The following UBE2E2 variants were observed in gnomAD, a reference collection of about 807,000 sequenced individuals.
UBE2E2 encodes the protein ubiquitin conjugating enzyme E2 E2, also known as ubiquitin-conjugating enzyme E2 E2.
In UBE2E2, 6 loss-of-function variants were observed where a neutral mutation model predicts 24.7. That is an observed-to-expected ratio of 0.24 (90% CI 0.13 to 0.48). The LOEUF (loss-of-function observed/expected upper bound fraction) is 0.48, where lower values mean the gene tolerates loss of function less well. Among genes scored for constraint, UBE2E2 ranks in the 20% least tolerant of loss-of-function variants. UBE2E2 has a pLI of 0.99. For synonymous variants in UBE2E2, 104 were observed against 83.6 expected (o/e 1.24, Z -1.33); for missense variants, 169 against 245.0 (o/e 0.69, Z 2.07).
At chr3:23,246,237 T>TTTTTTTTC (rs1553634256) in intron 3 of UBE2E2, among the ~76,000 whole-genome samples, 19,870 of 138,626 alleles carry the variant, frequency 0.14, 2,061 homozygotes, top group South Asian at 0.22. Flanking sequence ...TTTTTTTTTT[T>TTTTTTTTC]CGAGATGGAG....
intron 4 of UBE2E2, among the ~76,000 whole-genome samples, chr3:23,523,971 G>A (rs996695639): frequency 2.0e-5 from 3 of 151,334 alleles, no homozygotes; most frequent in African/African-American, 7.3e-5. Flanking sequence ...TGTGGGGTTG[G>A]GGGGTTCTCC....
intron 3 of UBE2E2, among the ~76,000 whole-genome samples, chr3:23,347,140 G>C (rs766629241): frequency 6.6e-6 from 1 of 152,216 alleles, no homozygotes; most frequent in Non-Finnish European, 1.5e-5. Flanking sequence ...GTGGAAGACA[G>C]TGTGGCGATT....
intron 4 of UBE2E2, among the ~76,000 whole-genome samples, chr3:23,517,123 C>T (rs905992859): frequency 6.6e-6 from 1 of 152,010 alleles, no homozygotes; most frequent in Non-Finnish European, 1.5e-5. Flanking sequence ...CATAGTTAGT[C>T]TTTTCTACCG....
At chr3:23,437,162 G>A (rs777007266) in intron 3 of UBE2E2, among the ~76,000 whole-genome samples, 4 of 152,050 alleles carry the variant, frequency 2.6e-5, no homozygotes, top group Non-Finnish European at 5.9e-5. Context: ...TCCCACACAC[G>A]CCAGGTTTTT....
intron 3 of UBE2E2, chr3:23,389,699 C>T (rs748565201): frequency 7.6e-5 from 18 of 238,134 alleles, no homozygotes; most frequent in Non-Finnish European, 1.2e-4. Context: ...TCACTTCCAT[C>T]GCTGCCTTCT....
At chr3:23,363,084 A>T (rs1384490506) in intron 3 of UBE2E2, among the ~76,000 whole-genome samples, 1 of 152,256 alleles carries the variant, frequency 6.6e-6, no homozygotes, top group African/African-American at 2.4e-5. Context: ...GATCCTTTTA[A>T]GACAAGCAAA....
intron 3 of UBE2E2, among the ~76,000 whole-genome samples, chr3:23,227,926 C>G (rs1240344903): frequency 1.3e-5 from 2 of 152,074 alleles, no homozygotes; most frequent in Non-Finnish European, 2.9e-5. Context: ...AGTATGTTTT[C>G]TTTTTGCCTT....
intron 3 of UBE2E2, among the ~76,000 whole-genome samples, chr3:23,332,692 TG>T (rs1695095282): frequency 2.7e-5 from 4 of 149,530 alleles, no homozygotes. Context: ...TGTGTGTGTG[TG>T]TGTGTGTGTG....
chr3:23,329,599 T>G (rs1260363450), intron 3 of UBE2E2, among the ~76,000 whole-genome samples: 1 of 152,242 alleles, frequency 6.6e-6, no homozygotes, highest in Non-Finnish European at 1.5e-5. Context: ...GCTAATTAGA[T>G]ACAACAACTA....
intron 5 of UBE2E2, among the ~76,000 whole-genome samples, chr3:23,533,110 C>T (rs376063267): frequency 6.6e-6 from 1 of 152,246 alleles, no homozygotes; most frequent in Admixed American, 6.5e-5. Context: ...ACCATGCAGA[C>T]GTGACCTTTT....
chr3:23,471,565 T>A (rs17013320), intron 3 of UBE2E2, among the ~76,000 whole-genome samples: 1 of 152,160 alleles, frequency 6.6e-6, no homozygotes, highest in Non-Finnish European at 1.5e-5. Context: ...CTGAGATTGC[T>A]TGGGCGTTTT....
At chr3:23,575,330 T>C in intron 5 of UBE2E2, among the ~76,000 whole-genome samples, 1 of 152,236 alleles carries the variant, frequency 6.6e-6, no homozygotes, top group East Asian at 1.9e-4. Context: ...CTTTGATCTC[T>C]ACAAGTTCAG....
At chr3:23,339,222 T>G (rs1409978155) in intron 3 of UBE2E2, among the ~76,000 whole-genome samples, 1 of 152,170 alleles carries the variant, frequency 6.6e-6, no homozygotes, top group East Asian at 1.9e-4. Context: ...CTACAAATTA[T>G]TGACTAGATT....
At position 23,499,674 on chromosome 3, in the gene UBE2E2, C is replaced by T. The variant is rs368043190; in HGVS notation, c.294C>T (p.Val98=). Residue 98 remains valine (V), a synonymous_variant, in exon 4 of 6, where the codon GTC becomes GTT. Transcript: ENST00000396703. ...CTATATTGGGACCCCCAGGATCTGT[C>T]TATGAAGGAGGGGTGTTCTTTCTTG... The part of the protein sequence containing the change: ...RSTILGPPGS[V]YEGGVFFLDI... 6.2e-7 allele frequency: 1 copy of T among 1,613,950 alleles called. No homozygotes were observed. Among genetic ancestry groups the T allele is most frequent in the Non-Finnish European group, 8.5e-7 (1 of 1,179,916 alleles).
chr3:23,560,287 A>G (rs1277844444), intron 5 of UBE2E2, among the ~76,000 whole-genome samples: 24 of 136,390 alleles, frequency 1.8e-4, no homozygotes, highest in Middle Eastern at 4.7e-3. Context: ...TCGTTGTTCA[A>G]TTCCCACCTA....
At chr3:23,319,231 A>T (rs901816973) in intron 3 of UBE2E2, among the ~76,000 whole-genome samples, 5 of 152,158 alleles carry the variant, frequency 3.3e-5, no homozygotes, top group African/African-American at 1.2e-4. Context: ...ACAGGAAGGA[A>T]TTGTGTTTAT....
chr3:23,559,256 C>T (rs1043871121), intron 5 of UBE2E2, among the ~76,000 whole-genome samples: 1 of 152,068 alleles, frequency 6.6e-6, no homozygotes, highest in African/African-American at 2.4e-5. Context: ...TTATGGAATT[C>T]AAGTGCATTT....
intron 3 of UBE2E2, among the ~76,000 whole-genome samples, chr3:23,387,135 A>G (rs922839400): frequency 2.6e-5 from 4 of 152,246 alleles, no homozygotes; most frequent in African/African-American, 9.6e-5. Flanking sequence ...ACATATGCAG[A>G]TGCTATTAGC....
chr3:23,458,467 G>T (rs552000220), intron 3 of UBE2E2, among the ~76,000 whole-genome samples: 1 of 150,816 alleles, frequency 6.6e-6, no homozygotes, highest in East Asian at 2.0e-4. Context: ...GCCCAGGCTG[G>T]AGTGCAGTGG....
Sources: allele counts gnomAD v4.1 joint callset (sites outside exome capture counted in the v4.1 genomes callset), GRCh38; gene constraint gnomAD v4.1.1; transcripts MANE v1.5; gene names NCBI Gene and HGNC (gene_info 2026-07-23, HGNC 2026-07-21).